The following AFF3 variants were observed in gnomAD, a reference collection of about 807,000 sequenced individuals.
AFF3 encodes ALF transcription elongation factor 3.
In AFF3, 32 loss-of-function variants were observed where a neutral mutation model predicts 129.7. The observed-to-expected ratio is 0.25, with a 90% CI of 0.19 to 0.33. The LOEUF is 0.33. Among genes scored for constraint, AFF3 ranks in the 10% least tolerant of loss-of-function variants. The probability of loss-of-function intolerance (pLI) is 1.00; values close to 1 mark genes in which losing one functional copy is unlikely to be tolerated. For synonymous variants in AFF3, 644 were observed against 635.4 expected (o/e 1.01, Z -0.20); for missense variants, 1,373 against 1,592.0 (o/e 0.86, Z 2.34).
chr2:99,943,976 C>T (rs1488628910), intron 7 of AFF3, among the ~76,000 whole-genome samples: 1 of 152,024 alleles, frequency 6.6e-6, no homozygotes, highest in Non-Finnish European at 1.5e-5. Context: ...CACCACGGCT[C>T]ACAGCCTCGA....
At position 100,006,941 on chromosome 2, in the gene AFF3, A is replaced by C. The variant is rs1682027223; in HGVS notation, c.564T>G (p.Asn188Lys). The C allele has an allele frequency of 3.1e-6, 5 of 1,613,974 alleles. No individual in the cohort carries two copies. Among genetic ancestry groups the C allele is most frequent in the Non-Finnish European group, 4.2e-6 (5 of 1,180,040 alleles). Residue 188 changes from asparagine (N) to lysine (K), a missense_variant, in exon 7 of 25, where the codon AAT (asparagine) becomes AAG (lysine). Around this residue, in one of 9 missense-constraint regions of AFF3, gnomAD observed 255 missense variants for 256.0 expected, o/e 1.00. Transcript: ENST00000672756. ...CCTGGGTCTGAAGGCCCACCTCCACATTGCACACTTGTTTGGCCCGAGGCT... is the reference window on the plus strand; with the variant it reads ...CCTGGGTCTGAAGGCCCACCTCCACCTTGCACACTTGTTTGGCCCGAGGCT... ...RQQPRAKQVC[N>K]VEVGLQTQER...
intron 10 of AFF3, among the ~76,000 whole-genome samples, chr2:99,727,491 T>G (rs1336225026): frequency 1.3e-5 from 2 of 152,184 alleles, no homozygotes; most frequent in African/African-American, 4.8e-5. Context: ...CAAGGCACTT[T>G]GAACTTTGAT....
chr2:99,836,578 C>T (rs1688889977), intron 8 of AFF3, among the ~76,000 whole-genome samples: 1 of 151,934 alleles, frequency 6.6e-6, no homozygotes, highest in South Asian at 2.1e-4. Flanking sequence ...GAAAGAAAAA[C>T]ATCTGGCCTT....
At chr2:100,086,995 C>G (rs1277236000) in intron 4 of AFF3, among the ~76,000 whole-genome samples, 1 of 152,174 alleles carries the variant, frequency 6.6e-6, no homozygotes, top group East Asian at 1.9e-4. Flanking sequence ...GAAGCTCAAC[C>G]CTAGGGCCTT....
In AFF3 at chr2:99,634,582, T is replaced by C. The variant is rs182216087; in HGVS notation, c.1184+15044A>G. Among the ~76,000 whole-genome samples, 4 of 152,286 alleles carry C rather than the reference T, an allele frequency of 2.6e-5. No individual in the cohort carries two copies. The East Asian group carries it at 7.7e-4, about 29-fold the overall frequency. The stretch of plus-strand genomic sequence containing the variant: ...GGTGTAGAGAAGGGAGCAAAATTTG[T>C]CCTTCATTTTCAAATGCTAGTGAAT... On this transcript the variant is annotated intron_variant, in intron 13 of 24. Transcript: ENST00000672756.
At chr2:99,742,648 G>A (rs1383609594) in intron 10 of AFF3, among the ~76,000 whole-genome samples, 5 of 152,184 alleles carry the variant, frequency 3.3e-5, no homozygotes, top group African/African-American at 7.2e-5. Context: ...TGAAAAGCTC[G>A]TGTCTTTGGG....
chr2:100,132,724 T>G (rs908635327), intron 1 of AFF3, among the ~76,000 whole-genome samples: 1 of 152,192 alleles, frequency 6.6e-6, no homozygotes, highest in South Asian at 2.1e-4. Context: ...ATAGCTAATC[T>G]AATTTGAAGA....
chr2:100,006,561 T>C, intron 7 of AFF3, 71 bp downstream of exon 7: 1 of 1,482,248 alleles, frequency 6.7e-7, no homozygotes, highest in Non-Finnish European at 9.0e-7. Flanking sequence ...ACATGGAAAC[T>C]GAATTCACGA....
At chr2:99,610,694 A>T (rs1680835029) in intron 13 of AFF3, among the ~76,000 whole-genome samples, 1 of 152,128 alleles carries the variant, frequency 6.6e-6, no homozygotes, top group South Asian at 2.1e-4. Context: ...TTTCTCTGGG[A>T]CACTGCTTCC....
At chr2:99,670,171 T>C (rs1196555596) in intron 12 of AFF3, among the ~76,000 whole-genome samples, 1 of 152,130 alleles carries the variant, frequency 6.6e-6, no homozygotes, top group Admixed American at 6.5e-5. Context: ...ACCACTAAAC[T>C]AGACTGTCTT....
At chr2:99,805,360 TG>T (rs2105536271) in intron 8 of AFF3, among the ~76,000 whole-genome samples, 1 of 152,310 alleles carries the variant, frequency 6.6e-6, no homozygotes, top group South Asian at 2.1e-4. Flanking sequence ...TGTGTTACAT[TG>T]GTGGTATTAT....
intron 4 of AFF3, among the ~76,000 whole-genome samples, chr2:100,049,330 G>A (rs2105123131): frequency 6.6e-6 from 1 of 152,246 alleles, no homozygotes; most frequent in South Asian, 2.1e-4. Context: ...GGAACTGGGG[G>A]ACATTCCGCA....
intron 7 of AFF3, among the ~76,000 whole-genome samples, chr2:99,897,733 T>G (rs1399793476): frequency 6.6e-6 from 1 of 152,228 alleles, no homozygotes; most frequent in African/African-American, 2.4e-5. Context: ...TTGACAGTCC[T>G]TTCTGATAAG....
At chr2:99,780,555 C>T (rs1349107270) in intron 8 of AFF3, among the ~76,000 whole-genome samples, 2 of 152,306 alleles carry the variant, frequency 1.3e-5, no homozygotes, top group East Asian at 3.9e-4. Context: ...CAAACTTGTG[C>T]ATCTAACTGC....
intron 13 of AFF3, among the ~76,000 whole-genome samples, chr2:99,617,569 A>G (rs991249683): frequency 6.6e-6 from 1 of 152,170 alleles, no homozygotes; most frequent in African/African-American, 2.4e-5. Flanking sequence ...TGTGCAATGT[A>G]TATCAGTATA....
chr2:100,099,341 G>A (rs10192951), intron 4 of AFF3, among the ~76,000 whole-genome samples: 23,214 of 152,108 alleles, frequency 0.15, 2,014 homozygotes, highest in East Asian at 0.28. Flanking sequence ...GGAGGAAGCC[G>A]CCCACTGGCC....
chr2:99,921,720 T>C (rs1426905457), intron 7 of AFF3, among the ~76,000 whole-genome samples: 1 of 152,022 alleles, frequency 6.6e-6, no homozygotes, highest in Admixed American at 6.6e-5. Flanking sequence ...TTGGACTTCA[T>C]CACAATTAAA....
chr2:99,639,690 A>ATT (rs35004242), intron 13 of AFF3, among the ~76,000 whole-genome samples: 1 of 142,710 alleles, frequency 7.0e-6, no homozygotes, highest in African/African-American at 2.6e-5. Context: ...TTTTTAATTA[A>ATT]TTTTTTTTTT....
Position 99,593,475 on chromosome 2 carries a change from C to T in AFF3, c.2186G>A (p.Arg729Lys). 6.2e-7 allele frequency: 1 copy of T among 1,613,968 alleles called. No homozygotes were observed. The highest frequency in any genetic ancestry group is 8.5e-7 in the Non-Finnish European group (1 of 1,180,016). The change falls in exon 15 of 25, where the codon AGG becomes AAG. Residue 729 changes from arginine (R) to lysine (K), a missense_variant. Transcript: ENST00000672756. ...PRAPVGSINARTTSDIAKELE... is the reference protein window; with the variant it reads ...PRAPVGSINAKTTSDIAKELE... ...CTCCTTGGCGATGTCACTGGTGGTCCTGGCGTTGATGGAGCCTACAGGGGC... is the reference window on the plus strand; with the variant it reads ...CTCCTTGGCGATGTCACTGGTGGTCTTGGCGTTGATGGAGCCTACAGGGGC...
Sources: allele counts gnomAD v4.1 joint callset (sites outside exome capture counted in the v4.1 genomes callset), GRCh38; gene constraint gnomAD v4.1.1; regional missense constraint gnomAD v4.1.1; transcripts MANE v1.5; gene names NCBI Gene and HGNC (gene_info 2026-07-23, HGNC 2026-07-21).